Variants in FUBP1 observed in about 807,000 individuals in gnomAD.
FUBP1 encodes far upstream element-binding protein 1.
In FUBP1, 16 loss-of-function variants were observed where a neutral mutation model predicts 94.9. The observed-to-expected ratio is 0.17, with a 90% CI of 0.11 to 0.26. The LOEUF (loss-of-function observed/expected upper bound fraction) is 0.26, where lower values mean the gene tolerates loss of function less well. FUBP1 is among the 10% of genes least tolerant of loss of function. The probability of loss-of-function intolerance (pLI) is 1.00; values close to 1 mark genes in which losing one functional copy is unlikely to be tolerated. For missense variants in FUBP1, 583 were observed against 808.6 expected (o/e 0.72, Z 3.38); for synonymous variants, 279 against 254.9 (o/e 1.09, Z -0.90).
At chr1:77,976,968 T>G (rs1411499297) in intron 1 of FUBP1, among the ~76,000 whole-genome samples, 1 of 152,214 alleles carries the variant, frequency 6.6e-6, no homozygotes, top group Non-Finnish European at 1.5e-5. Context: ...GCTTCTTTTC[T>G]TCACTGGCCA....
chr1:77,972,080 A>G (rs564249842), intron 1 of FUBP1, among the ~76,000 whole-genome samples: 137 of 151,942 alleles, frequency 9.0e-4, no homozygotes, highest in Non-Finnish European at 1.4e-3. Flanking sequence ...CACTTTACCA[A>G]TTACAAACCT....
intron 16 of FUBP1, among the ~76,000 whole-genome samples, chr1:77,959,319 T>C (rs78809270): frequency 6.6e-6 from 1 of 152,212 alleles, no homozygotes; most frequent in East Asian, 1.9e-4. Flanking sequence ...TATGGAAAGA[T>C]GCCAGAATAT....
In FUBP1 at chr1:77,963,467, T is replaced by C. The variant is rs1655898331; in HGVS notation, c.1183+107A>G. The C allele has an allele frequency of 6.7e-6, 4 of 596,488 alleles. No homozygotes were observed. In the East Asian group the frequency reaches 1.2e-4, roughly 17 times the overall value. 36.9% of individuals were successfully genotyped at this position (596,488 alleles called of 1,614,324 possible). On this transcript the variant is annotated intron_variant, in intron 13 of 19. Coordinates refer to ENST00000370768, the MANE Select transcript of FUBP1 (RefSeq NM_003902.5). The stretch of plus-strand genomic sequence containing the variant: ...TATTAACATAAGAATTCTTTTCTAC[T>C]AAAATACGGTCAGAGAAAAAGCATT...
chr1:77,955,116 CA>C lies in FUBP1; in HGVS notation c.1780+138del, dbSNP rs993384171. On this transcript the variant is annotated intron_variant, in intron 18 of 19. Transcript: ENST00000370768. ...AAAAAATTTCCTTGCCATATAACCA[CA>C]AATTTAAAAACTATAATTTACAACT... 54 of 559,622 alleles carry C rather than the reference CA, an allele frequency of 9.6e-5. No homozygotes were observed. The African/African-American group carries it at 1.0e-3, about 10-fold the overall frequency. The allele number at this position is 559,622 out of a possible 1,614,324, so 34.7% of individuals were successfully genotyped here. A position where few individuals can be genotyped will look rare whatever the true frequency, so the allele number is the denominator to read the frequency against.
intron 16 of FUBP1, among the ~76,000 whole-genome samples, chr1:77,958,863 C>T (rs1049572295): frequency 6.6e-6 from 1 of 152,182 alleles, no homozygotes; most frequent in African/African-American, 2.4e-5. Context: ...AATCAGCCAA[C>T]AAGAGGGAAA....
chr1:77,948,696 G>A lies in FUBP1; in HGVS notation c.*70C>T. 2 of 1,556,508 alleles carry A rather than the reference G, an allele frequency of 1.3e-6. No homozygotes were observed. The highest frequency in any genetic ancestry group is 1.7e-6 in the Non-Finnish European group (2 of 1,159,218). On this transcript the variant is annotated 3_prime_UTR_variant, in exon 20 of 20. Transcript: ENST00000370768. The stretch of plus-strand genomic sequence containing the variant: ...AATTAAGATCTTCATCAAGTCGTCT[G>A]CATCCATATATTTAACAAAGGTTTT...
In FUBP1 at chr1:77,945,858, G is replaced by A. The variant is rs574088984; in HGVS notation, c.*2908C>T. 5 of 209,798 alleles carry A rather than the reference G, an allele frequency of 2.4e-5. No homozygotes were observed. The highest frequency in any genetic ancestry group is 1.9e-4 in the South Asian group (1 of 5,308). 13.0% of individuals were successfully genotyped at this position (209,798 alleles called of 1,614,324 possible). The stretch of plus-strand genomic sequence containing the variant: ...AACTGGCAAAAAAATTAAATGCAGC[G>A]TCAGTTATTAAAATATTATTAAATC... On this transcript the variant is annotated 3_prime_UTR_variant, in exon 20 of 20. Transcript: ENST00000370768.
chr1:77,956,856 T>A (rs1206549927), intron 16 of FUBP1, among the ~76,000 whole-genome samples, 156 bp from the exon 17 acceptor site: 1 of 152,130 alleles, frequency 6.6e-6, no homozygotes, highest in Non-Finnish European at 1.5e-5. Flanking sequence ...AATTTTCTAT[T>A]ATTTTTGTTG....
chr1:77,952,824 C>T (rs898446514), intron 18 of FUBP1, among the ~76,000 whole-genome samples: 10 of 152,184 alleles, frequency 6.6e-5, no homozygotes, highest in African/African-American at 2.4e-4. Context: ...ACTAAATTAC[C>T]TAGCATTATT....
intron 1 of FUBP1, among the ~76,000 whole-genome samples, chr1:77,973,732 G>GTC (rs149943655): frequency 0.19 from 29,392 of 152,014 alleles, 3,045 homozygotes; most frequent in African/African-American, 0.26. Flanking sequence ...AGACACAGTA[G>GTC]TCTCTTTATC....
intron 18 of FUBP1, among the ~76,000 whole-genome samples, chr1:77,950,201 C>G (rs1245374183): frequency 6.6e-6 from 1 of 152,186 alleles, no homozygotes; most frequent in Non-Finnish European, 1.5e-5. Context: ...CACTCTGCCA[C>G]CCAGGCTGGA....
rs182425138 is a variant in FUBP1, at chr1:77,948,026, T to G, written c.*740A>C. The stretch of plus-strand genomic sequence containing the variant: ...CCGAAACAGTCTTGGAAATCAAGTA[T>G]TATCAAATTAAGAACAGAAAGGTTA... On this transcript the variant is annotated 3_prime_UTR_variant, in exon 20 of 20. Transcript: ENST00000370768. 6 of 1,030,876 alleles carry G rather than the reference T, an allele frequency of 5.8e-6. No individual in the cohort carries two copies. The Admixed American group carries it at 2.6e-4, about 44-fold the overall frequency. 63.9% of individuals were successfully genotyped at this position (1,030,876 alleles called of 1,614,324 possible).
upstream of FUBP1, chr1:77,979,343 T>G (rs1368529056): frequency 3.7e-6 from 1 of 272,858 alleles, no homozygotes; most frequent in Admixed American, 4.9e-5. Flanking sequence ...AGTGGCCAGT[T>G]GACTGCGACT....
At chr1:77,976,668 ATT>A (rs1658662478) in intron 1 of FUBP1, among the ~76,000 whole-genome samples, 1 of 151,946 alleles carries the variant, frequency 6.6e-6, no homozygotes, top group Admixed American at 6.6e-5. Context: ...TACTTTTTGT[ATT>A]TTTTGTAAAG....
rs541076391 is a variant in FUBP1 at position 77,968,143 on chromosome 1, C to A, written c.250+22G>T. ...TGAAATTGTTACTTTAGCTTTTGAC[C>A]CAGTTTAAAAGGAATACTTACAGTC... On this transcript the variant is annotated intron_variant, in intron 3 of 19. Coordinates refer to ENST00000370768, the MANE Select transcript of FUBP1 (RefSeq NM_003902.5). 1.8e-4 allele frequency: 261 copies of A among 1,440,072 alleles called. 3 individuals are homozygous for A. In the South Asian group the frequency reaches 3.0e-3, roughly 17 times the overall value. The allele number at this position is 1,440,072 out of a possible 1,614,324, so 89.2% of individuals were successfully genotyped here.
At chr1:77,973,887 TAC>T (rs764466708) in intron 1 of FUBP1, among the ~76,000 whole-genome samples, 3 of 152,218 alleles carry the variant, frequency 2.0e-5, no homozygotes, top group Non-Finnish European at 4.4e-5. Flanking sequence ...TGTCCAGTAA[TAC>T]AGTGTATTGT....
intron 1 of FUBP1, among the ~76,000 whole-genome samples, chr1:77,973,644 C>CT (rs1167269173): frequency 1.3e-5 from 2 of 152,320 alleles, no homozygotes; most frequent in African/African-American, 4.8e-5. Context: ...GTTTTCACTA[C>CT]TTTAACATTT....
intron 4 of FUBP1, among the ~76,000 whole-genome samples, chr1:77,967,350 T>A (rs533504000): frequency 6.6e-6 from 1 of 152,186 alleles, no homozygotes; most frequent in Admixed American, 6.5e-5. Flanking sequence ...TGTAAAGAAG[T>A]TGAAGTGGAG....
In FUBP1 at chr1:77,979,006, G is replaced by A. The variant is rs772712362; in HGVS notation, c.-2C>T. The stretch of plus-strand genomic sequence containing the variant: ...AGGCACTGTTGAATAGTCTGCCATG[G>A]TTGCACTATAAGAGCCGCTGCCGCC... On this transcript the variant is annotated 5_prime_UTR_variant, in exon 1 of 20. Transcript: ENST00000370768. 1 of 1,610,746 alleles carries A rather than the reference G, an allele frequency of 6.2e-7. No homozygotes were observed. The highest frequency in any genetic ancestry group is 8.5e-7 in the Non-Finnish European group (1 of 1,177,608).
Sources: gnomAD v4.1 joint callset for allele counts (sites outside exome capture counted in the v4.1 genomes callset) on GRCh38, gnomAD v4.1.1 for gene constraint, MANE v1.5 for transcripts, NCBI Gene and HGNC (gene_info 2026-07-23, HGNC 2026-07-21) for gene names.